Variants in LMNTD1 observed in about 807,000 individuals in gnomAD.
The protein encoded by LMNTD1 is lamin tail domain containing 1, also known as lamin tail domain-containing protein 1.
In LMNTD1, 35 loss-of-function variants were observed where a neutral mutation model predicts 50.9. The observed-to-expected ratio is 0.69, with a 90% CI of 0.53 to 0.91. LMNTD1 has a LOEUF of 0.91. Ranked by LOEUF, LMNTD1 falls within the 40% of genes least tolerant of loss-of-function variation. The pLI, the probability that LMNTD1 is intolerant of heterozygous loss-of-function variation, is 0.00. For missense variants in LMNTD1, 470 were observed against 475.5 expected (o/e 0.99, Z 0.11); for synonymous variants, 153 against 161.9 (o/e 0.94, Z 0.42).
upstream of LMNTD1, among the ~76,000 whole-genome samples, chr12:25,553,617 A>G (rs1167541437): frequency 6.6e-6 from 1 of 152,194 alleles, no homozygotes; most frequent in Non-Finnish European, 1.5e-5. Flanking sequence ...AAGAATAGAA[A>G]CCATAAAACT....
chr12:25,559,316 A>G (rs1287122618), intron 1 of LMNTD1, among the ~76,000 whole-genome samples: 1 of 152,006 alleles, frequency 6.6e-6, no homozygotes, highest in Non-Finnish European at 1.5e-5. Flanking sequence ...TGTCCTTGCA[A>G]TACTTTGCTC....
intron 1 of LMNTD1, among the ~76,000 whole-genome samples, chr12:25,608,378 A>C (rs865972915): frequency 6.6e-6 from 1 of 152,152 alleles, no homozygotes; most frequent in South Asian, 2.1e-4. Flanking sequence ...TGTCATTATG[A>C]TGTTAGCTGG....
intron 1 of LMNTD1, among the ~76,000 whole-genome samples, chr12:25,613,045 A>T (rs1158209048): frequency 6.6e-6 from 1 of 152,204 alleles, no homozygotes; most frequent in African/African-American, 2.4e-5. Flanking sequence ...ATTCCAGAAT[A>T]TAGGAGAATG....
intron 1 of LMNTD1, among the ~76,000 whole-genome samples, chr12:25,570,337 T>C (rs1944735076): frequency 6.6e-6 from 1 of 152,188 alleles, no homozygotes; most frequent in Non-Finnish European, 1.5e-5. Context: ...ACTTTGACTG[T>C]TGTAGTTAGA....
chr12:25,604,928 C>T (rs956053190), intron 1 of LMNTD1, among the ~76,000 whole-genome samples: 41 of 152,180 alleles, frequency 2.7e-4, no homozygotes, highest in Non-Finnish European at 5.3e-4. Flanking sequence ...ACCACACTGA[C>T]TTCCACAATG....
chr12:25,539,485 A>G (rs1942884475), intron 4 of LMNTD1, among the ~76,000 whole-genome samples: 1 of 150,368 alleles, frequency 6.7e-6, no homozygotes, highest in African/African-American at 2.4e-5. Flanking sequence ...CTGGGTACAT[A>G]ACGAAATGAA....
intron 9 of LMNTD1, among the ~76,000 whole-genome samples, chr12:25,486,650 A>G (rs751573017): frequency 0.073 from 10,928 of 150,094 alleles, 474 homozygotes; most frequent in Middle Eastern, 0.093. Context: ...TTTGTCATAG[A>G]TAGCTCTTAT....
intron 1 of LMNTD1, among the ~76,000 whole-genome samples, chr12:25,591,709 C>T (rs187333109): frequency 6.6e-6 from 1 of 151,652 alleles, no homozygotes; most frequent in East Asian, 2.0e-4. Context: ...TTAGGCAAGA[C>T]TCAGCTGTGT....
chr12:25,575,201 C>T (rs986772972), intron 1 of LMNTD1, among the ~76,000 whole-genome samples: 3 of 152,084 alleles, frequency 2.0e-5, no homozygotes, highest in Non-Finnish European at 4.4e-5. Context: ...GAAGCTGGGA[C>T]ACCCCACACC....
At chr12:25,578,029 ACCTGCCT>A (rs1456098741) in intron 1 of LMNTD1, among the ~76,000 whole-genome samples, 1 of 152,018 alleles carries the variant, frequency 6.6e-6, no homozygotes, top group Non-Finnish European at 1.5e-5. Flanking sequence ...TCCCTTGTTC[ACCTGCCT>A]AGTTGTCCAC....
intron 1 of LMNTD1, among the ~76,000 whole-genome samples, chr12:25,602,263 T>G (rs1303999913): frequency 6.6e-6 from 1 of 151,790 alleles, no homozygotes; most frequent in Non-Finnish European, 1.5e-5. Flanking sequence ...ATTTTTATTT[T>G]CTTTCTTTTC....
At chr12:25,628,666 G>A (rs990240041) in intron 1 of LMNTD1, among the ~76,000 whole-genome samples, 8 of 152,202 alleles carry the variant, frequency 5.3e-5, no homozygotes, top group Admixed American at 2.0e-4. Context: ...AAGAGTCAGA[G>A]TCAGAGAGAA....
chr12:25,562,336 G>T (rs989493352), intron 1 of LMNTD1, among the ~76,000 whole-genome samples: 5 of 152,178 alleles, frequency 3.3e-5, no homozygotes, highest in African/African-American at 1.2e-4. Flanking sequence ...GCCTGGTGGT[G>T]ACAAAATCTC....
chr12:25,518,057 T>C (rs1940943776), intron 8 of LMNTD1, among the ~76,000 whole-genome samples: 1 of 152,160 alleles, frequency 6.6e-6, no homozygotes, highest in Non-Finnish European at 1.5e-5. Flanking sequence ...GATTTCATTT[T>C]TAAAAAAACA....
At chr12:25,516,039 C>T (rs1940737749) in intron 8 of LMNTD1, among the ~76,000 whole-genome samples, 1 of 152,092 alleles carries the variant, frequency 6.6e-6, no homozygotes, top group Non-Finnish European at 1.5e-5. Flanking sequence ...AACCATGTAA[C>T]TTTCCCTTGA....
At chr12:25,512,087 G>A (rs1456377568) in intron 8 of LMNTD1, among the ~76,000 whole-genome samples, 1 of 152,112 alleles carries the variant, frequency 6.6e-6, no homozygotes, top group Non-Finnish European at 1.5e-5. Flanking sequence ...AATTTAGAAG[G>A]TCATGGCAAG....
intron 4 of LMNTD1, among the ~76,000 whole-genome samples, chr12:25,529,582 T>C (rs1444193793): frequency 6.6e-6 from 1 of 152,180 alleles, no homozygotes; most frequent in Non-Finnish European, 1.5e-5. Context: ...TCTTCCTCTT[T>C]AGTGGCATCT....
chr12:25,499,563 A>G (rs1939262116), intron 9 of LMNTD1, among the ~76,000 whole-genome samples: 1 of 152,074 alleles, frequency 6.6e-6, no homozygotes, highest in Admixed American at 6.5e-5. Context: ...GGTTTTGAAT[A>G]TGGGGATCAA....
chr12:25,599,905 G>A (rs1096001), intron 1 of LMNTD1, among the ~76,000 whole-genome samples: 145,931 of 152,108 alleles, frequency 0.96, 70,313 homozygotes, highest in East Asian at 1. Context: ...TGTAATCCCT[G>A]TCAAAATACC....
Sources: allele counts gnomAD v4.1 joint callset (sites outside exome capture counted in the v4.1 genomes callset), GRCh38; gene constraint gnomAD v4.1.1; transcripts MANE v1.5; gene names NCBI Gene and HGNC (gene_info 2026-07-23, HGNC 2026-07-21).